R3HDM2: variants seen among roughly 807,000 people sequenced by gnomAD.
R3HDM2 encodes R3H domain-containing protein 2.
Under a neutral mutation model 124.5 loss-of-function variants are expected in R3HDM2, and 38 were observed. The ratio of observed to expected loss-of-function variants is 0.31; its 90% CI spans 0.24 to 0.40. The LOEUF is 0.40. Among genes scored for constraint, R3HDM2 ranks in the 10% least tolerant of loss-of-function variants. The pLI is 1.00. For synonymous variants in R3HDM2, 391 were observed against 448.0 expected, an observed-to-expected ratio of 0.87 and a Z score of 1.61; for missense variants, 869 against 1,236.9, an observed-to-expected ratio of 0.70 and a Z score of 4.46.
intron 11 of R3HDM2, 62 bp from the exon 12 acceptor site, chr12:57,289,102 G>A: frequency 2.8e-6 from 4 of 1,449,856 alleles, no homozygotes; most frequent in Non-Finnish European, 3.8e-6. Context: ...TGACCGAAAA[G>A]GATGTCCATG....
chr12:57,364,901 C>T (rs1056077162), intron 2 of R3HDM2, among the ~76,000 whole-genome samples: 1 of 138,128 alleles, frequency 7.2e-6, no homozygotes, highest in African/African-American at 2.8e-5. Context: ...TGCAGCGAGC[C>T]GAGATCACAC....
chr12:57,287,631 TAGTC>T (rs1313763706), intron 12 of R3HDM2, among the ~76,000 whole-genome samples: 2 of 152,122 alleles, frequency 1.3e-5, no homozygotes, highest in Admixed American at 1.3e-4. Context: ...AAATCCAAGT[TAGTC>T]AGACAGTCCT....
In R3HDM2 at chr12:57,283,973, G is replaced by A; in HGVS notation, c.1022C>T (p.Pro341Leu). 1.9e-6 allele frequency: 3 copies of A among 1,614,134 alleles called. No homozygotes were observed. Among genetic ancestry groups the A allele is most frequent in the Non-Finnish European group, 1.7e-6 (2 of 1,179,996 alleles). The change falls in exon 13 of 24, where the codon CCT (proline) becomes CTT (leucine). Residue 341 changes from proline to leucine, a missense_variant. This residue lies in a region of R3HDM2 where 267 missense variants were observed against 447.7 expected (regional missense o/e 0.60). Coordinates refer to ENST00000402412, the MANE Select transcript of R3HDM2 (RefSeq NM_001394031.1). ...GCCATCAGAGTCTGTGCTGCTCCAA[G>A]GGCGTGGCTCCAGGGATTTGAGTTC... The part of the protein sequence containing the change: ...DSELKSLEPR[P>L]WSSTDSDGSV...
chr12:57,376,469 A>T (rs1314111096), intron 2 of R3HDM2, among the ~76,000 whole-genome samples: 1 of 152,192 alleles, frequency 6.6e-6, no homozygotes, highest in Non-Finnish European at 1.5e-5. Context: ...CTCAAAAAAT[A>T]ATTTCCCCTC....
chr12:57,258,970 A>C lies in R3HDM2; in HGVS notation c.2221T>G (p.Trp741Gly). Reference sequence around the variant, plus strand: ...ATGCTGTAGTATTTACAATGACTCCACTGGACCATGGATGGGTTCTGAGGG... The same window carrying C: ...ATGCTGTAGTATTTACAATGACTCCCCTGGACCATGGATGGGTTCTGAGGG... Reference protein sequence around the residue: ...QPPQNPSMVQWSHCKYYSMDQ... With the variant: ...QPPQNPSMVQGSHCKYYSMDQ... The change falls in exon 20 of 24, where the codon TGG (tryptophan) becomes GGG (glycine). Residue 741 changes from tryptophan (W) to glycine (G), a missense_variant. Around this residue, in one of 2 missense-constraint regions of R3HDM2, gnomAD observed 602 missense variants for 789.2 expected, o/e 0.76. Transcript: ENST00000402412. The C allele has an allele frequency of 6.2e-7, 1 of 1,612,908 alleles. No homozygotes were observed. The highest frequency in any genetic ancestry group is 1.1e-5 in the South Asian group (1 of 91,002).
At chr12:57,305,597 A>G (rs2052404978) in intron 3 of R3HDM2, 1 of 398,984 alleles carries the variant, frequency 2.5e-6, no homozygotes, top group Non-Finnish European at 4.4e-6. Context: ...ACACCATGTT[A>G]TCATGCTAGC....
intron 1 of R3HDM2, among the ~76,000 whole-genome samples, chr12:57,429,494 A>C (rs1566540618): frequency 6.6e-6 from 1 of 152,072 alleles, no homozygotes; most frequent in Non-Finnish European, 1.5e-5. Context: ...AGGCCAAGGC[A>C]GGTGGATCAC....
At chr12:57,390,185 GAAA>G (rs2066449823) in intron 2 of R3HDM2, among the ~76,000 whole-genome samples, 2 of 49,120 alleles carry the variant, frequency 4.1e-5, no homozygotes, top group Non-Finnish European at 1.0e-4. Flanking sequence ...AAAAAAAAAA[GAAA>G]GAAAGAAAAA....
intron 3 of R3HDM2, chr12:57,304,580 A>G (rs919879164): frequency 1.1e-6 from 1 of 885,170 alleles, no homozygotes; most frequent in Non-Finnish European, 1.4e-6. Context: ...GTGGATGGAA[A>G]GAATAAGAAA....
intron 2 of R3HDM2, among the ~76,000 whole-genome samples, chr12:57,361,317 G>A (rs949007903): frequency 2.1e-5 from 3 of 143,444 alleles, no homozygotes; most frequent in African/African-American, 7.7e-5. Flanking sequence ...GGAGGTTGCA[G>A]TGAGTCGAGA....
intron 14 of R3HDM2, among the ~76,000 whole-genome samples, chr12:57,276,372 C>T (rs894408185): frequency 1.4e-4 from 21 of 152,142 alleles, no homozygotes; most frequent in African/African-American, 5.1e-4. Flanking sequence ...ATGGAACCAA[C>T]CCAAATGCCC....
intron 2 of R3HDM2, among the ~76,000 whole-genome samples, chr12:57,311,382 CGCTCA>C (rs67759120): frequency 0.37 from 55,345 of 151,236 alleles, 11,476 homozygotes; most frequent in Middle Eastern, 0.75. Flanking sequence ...CCCGCCACCA[CGCTCA>C]GCTAATTTTT....
Position 57,269,097 on chromosome 12 carries a change from G to A in R3HDM2, c.1715-15C>T. On this transcript the variant is annotated splice_polypyrimidine_tract_variant and intron_variant, in intron 16 of 23. Coordinates refer to ENST00000402412, the MANE Select transcript of R3HDM2 (RefSeq NM_001394031.1). ...GGGCTGTAAACCTAGAGATGGGCAA[G>A]GCAGAAAATACATTAGTATGAATGT... The A allele has an allele frequency of 1.2e-6, 2 of 1,613,872 alleles. No individual in the cohort carries two copies. The highest frequency in any genetic ancestry group is 1.7e-6 in the Non-Finnish European group (2 of 1,179,830).
chr12:57,355,175 T>A (rs1336406254), intron 2 of R3HDM2, among the ~76,000 whole-genome samples: 1 of 151,520 alleles, frequency 6.6e-6, no homozygotes, highest in Non-Finnish European at 1.5e-5. Context: ...AAACACTTCT[T>A]GGCCGGGCGC....
chr12:57,264,811 A>AT (rs1244694305), intron 19 of R3HDM2, among the ~76,000 whole-genome samples: 1 of 151,908 alleles, frequency 6.6e-6, no homozygotes, highest in African/African-American at 2.4e-5. Context: ...TAATTTTTAA[A>AT]TTTTTTGTAG....
At chr12:57,257,923 C>T in intron 21 of R3HDM2, 67 bp downstream of exon 21, 2 of 1,372,240 alleles carry the variant, frequency 1.5e-6, no homozygotes. Context: ...CTCTTTCAAT[C>T]TCTGCAATTG....
Position 57,310,443 on chromosome 12 carries a change from T to C in R3HDM2, c.-15A>G, listed in dbSNP as rs1198966693. On this transcript the variant is annotated 5_prime_UTR_variant, in exon 3 of 24. Coordinates refer to ENST00000402412, the MANE Select transcript of R3HDM2 (RefSeq NM_001394031.1). ...CTGTTAGACATGTTCTTCAATAGAATACAGTGGCCTCTATGGACTCCTAAA... is the reference window on the plus strand; with the variant it reads ...CTGTTAGACATGTTCTTCAATAGAACACAGTGGCCTCTATGGACTCCTAAA... 6.0e-6 allele frequency: 9 copies of C among 1,509,520 alleles called. No homozygotes were observed. The highest frequency in any genetic ancestry group is 7.1e-6 in the Non-Finnish European group (8 of 1,130,442). 93.5% of individuals were successfully genotyped at this position (1,509,520 alleles called of 1,614,324 possible).
intron 1 of R3HDM2, among the ~76,000 whole-genome samples, chr12:57,423,642 T>A (rs940007347): frequency 6.6e-6 from 1 of 150,784 alleles, no homozygotes; most frequent in East Asian, 2.0e-4. Flanking sequence ...TGAAACCCCA[T>A]CTCTACTAAA....
intron 1 of R3HDM2, among the ~76,000 whole-genome samples, chr12:57,398,400 A>T (rs899389500): frequency 2.6e-5 from 4 of 152,070 alleles, no homozygotes; most frequent in Non-Finnish European, 4.4e-5. Context: ...TTATTTGTAT[A>T]GCCAATAAAA....
Sources: gnomAD v4.1 joint callset for allele counts (sites outside exome capture counted in the v4.1 genomes callset) on GRCh38, gnomAD v4.1.1 for gene constraint, gnomAD v4.1.1 regional missense constraint, MANE v1.5 for transcripts, NCBI Gene and HGNC (gene_info 2026-07-23, HGNC 2026-07-21) for gene names.